Variants in HTR4 observed in about 807,000 individuals in gnomAD.
HTR4 encodes 5-hydroxytryptamine receptor 4.
Under a neutral mutation model 36.8 loss-of-function variants are expected in HTR4, and 16 were observed. The ratio of observed to expected loss-of-function variants is 0.43; its 90% CI spans 0.29 to 0.66. HTR4 has a LOEUF of 0.66. Among genes scored for constraint, HTR4 ranks in the 30% least tolerant of loss-of-function variants. The probability of loss-of-function intolerance (pLI) is 0.13; values close to 1 mark genes in which losing one functional copy is unlikely to be tolerated. For missense variants in HTR4, 438 were observed against 490.9 expected (o/e 0.89, Z 1.02); for synonymous variants, 189 against 185.1 (o/e 1.02, Z -0.17).
At chr5:148,605,543 C>A (rs1307923748) in intron 2 of HTR4, among the ~76,000 whole-genome samples, 1 of 151,934 alleles carries the variant, frequency 6.6e-6, no homozygotes, top group Non-Finnish European at 1.5e-5. Context: ...CAGGTGTCAG[C>A]CACCATGCCC....
chr5:148,502,185 G>A (rs1756964251), intron 6 of HTR4, among the ~76,000 whole-genome samples: 1 of 152,176 alleles, frequency 6.6e-6, no homozygotes, highest in South Asian at 2.1e-4. Context: ...ATCTGAGAAT[G>A]GACAGACTGC....
Position 148,509,570 on chromosome 5 carries a change from C to A in HTR4, c.962G>T (p.Arg321Leu), listed in dbSNP as rs199912477. Residue 321 changes from arginine to leucine, a missense_variant, in exon 6 of 7, where the codon CGT becomes CTT. Transcript: ENST00000377888. Reference protein sequence around the residue: ...LYAFLNKSFRRAFLIILCCDD... With the variant: ...LYAFLNKSFRLAFLIILCCDD... ...ACAGCAGAGGATGATGAGGAAGGCA[C>A]GTCTAAAAGACTTATTCAAGAAGGC... is the stretch of plus-strand genomic sequence containing the variant. The A allele has an allele frequency of 6.2e-7, 1 of 1,613,980 alleles. No homozygotes were observed. The highest frequency in any genetic ancestry group is 8.5e-7 in the Non-Finnish European group (1 of 1,179,960).
chr5:148,477,552 C>T (rs777260980), downstream of HTR4, among the ~76,000 whole-genome samples: 1 of 152,160 alleles, frequency 6.6e-6, no homozygotes, highest in Non-Finnish European at 1.5e-5. Flanking sequence ...ATTTCTGCAT[C>T]CTTGGAAAAA....
chr5:148,641,167 T>G (rs993780262), intron 1 of HTR4, among the ~76,000 whole-genome samples: 2 of 152,198 alleles, frequency 1.3e-5, no homozygotes, highest in Admixed American at 1.3e-4. Context: ...GCTTTTATCT[T>G]GAATACTTAT....
intron 2 of HTR4, among the ~76,000 whole-genome samples, chr5:148,611,145 G>A (rs1581542981): frequency 6.9e-6 from 1 of 145,322 alleles, no homozygotes; most frequent in East Asian, 2.1e-4. Flanking sequence ...TAGCAAGGCA[G>A]GCCAACGTTC....
At chr5:148,491,502 A>C (rs189965919) in intron 6 of HTR4, among the ~76,000 whole-genome samples, 1 of 152,228 alleles carries the variant, frequency 6.6e-6, no homozygotes, top group African/African-American at 2.4e-5. Context: ...TAACCTCGGC[A>C]CTATCTGGAA....
At chr5:148,492,066 G>A (rs1024884340) in intron 6 of HTR4, among the ~76,000 whole-genome samples, 14 of 152,186 alleles carry the variant, frequency 9.2e-5, no homozygotes, top group Admixed American at 2.0e-4. Context: ...AATAAACCAC[G>A]TTGGGCATTT....
chr5:148,529,081 A>T (rs1218148246), intron 4 of HTR4, among the ~76,000 whole-genome samples: 1 of 151,990 alleles, frequency 6.6e-6, no homozygotes, highest in African/African-American at 2.4e-5. Flanking sequence ...AAATTTGCCC[A>T]GTCTCACAGG....
At chr5:148,583,642 C>T (rs1761234819) in intron 2 of HTR4, among the ~76,000 whole-genome samples, 1 of 151,548 alleles carries the variant, frequency 6.6e-6, no homozygotes, top group South Asian at 2.1e-4. Flanking sequence ...TCATCATCAT[C>T]ATCATCATTA....
intron 6 of HTR4, chr5:148,490,830 T>C (rs149027091): frequency 1.6e-6 from 1 of 632,288 alleles, no homozygotes; most frequent in Non-Finnish European, 2.6e-6. Context: ...GTCGAATTCC[T>C]GTTTCCTCTA....
At chr5:148,644,207 G>A (rs1018477151) in intron 1 of HTR4, among the ~76,000 whole-genome samples, 5 of 152,076 alleles carry the variant, frequency 3.3e-5, no homozygotes, top group African/African-American at 4.8e-5. Context: ...CACATCCCCC[G>A]GGGAAAGAAT....
intron 5 of HTR4, among the ~76,000 whole-genome samples, chr5:148,463,369 A>G (rs1755336288): frequency 6.6e-6 from 1 of 150,648 alleles, no homozygotes; most frequent in Non-Finnish European, 1.5e-5. Context: ...TTTAGTAGAG[A>G]TGGGGTTTCA....
chr5:148,654,045 G>T lies in HTR4; in HGVS notation c.-48+17C>A. 1.0e-6 allele frequency: 1 copy of T among 985,112 alleles called. No individual in the cohort carries two copies. Among genetic ancestry groups the T allele is most frequent in the Non-Finnish European group, 1.2e-6 (1 of 829,804 alleles). 61.0% of individuals were successfully genotyped at this position (985,112 alleles called of 1,614,324 possible). ...GGCTCCTGGGGTCCCGACCCCCGGC[G>T]CACTTGCCGCACATACCCGCTGCCA... On this transcript the variant is annotated intron_variant, in intron 1 of 6. Coordinates refer to ENST00000377888, the MANE Select transcript of HTR4 (RefSeq NM_000870.7).
chr5:148,474,994 G>A (rs530988622), downstream of HTR4, among the ~76,000 whole-genome samples: 2 of 151,856 alleles, frequency 1.3e-5, no homozygotes, highest in East Asian at 1.9e-4. Context: ...GCAGTGAGCC[G>A]AGATGGCGCC....
downstream of HTR4, among the ~76,000 whole-genome samples, chr5:148,480,287 G>A (rs187944770): frequency 2.2e-4 from 34 of 152,264 alleles, no homozygotes; most frequent in Non-Finnish European, 3.8e-4. Context: ...TCATAAATTC[G>A]TGTGTTGGGC....
chr5:148,538,940 C>G (rs1163498640), intron 4 of HTR4, among the ~76,000 whole-genome samples: 4 of 152,034 alleles, frequency 2.6e-5, no homozygotes, highest in Non-Finnish European at 5.9e-5. Flanking sequence ...GCAAAAAGAA[C>G]AAAGCTGGAG....
intron 2 of HTR4, among the ~76,000 whole-genome samples, chr5:148,560,177 T>C (rs569848853): frequency 6.7e-6 from 1 of 149,346 alleles, no homozygotes; most frequent in East Asian, 2.0e-4. Context: ...TTCTTTTCTT[T>C]TTTCTTTTTT....
Position 148,548,964 on chromosome 5 carries a change from A to C in HTR4, c.153-96T>G. On this transcript the variant is annotated intron_variant, in intron 3 of 6. Transcript: ENST00000377888. ...CAAGAGAAAAAACAGGGAAAAGGGA[A>C]ACAAAGAAAGAAGAAAAGAAGGGAG... is the stretch of plus-strand genomic sequence containing the variant. 1.5e-5 allele frequency: 13 copies of C among 846,242 alleles called. 1 individual carries two copies. The Middle Eastern group carries it at 2.5e-3, about 162-fold the overall frequency. The allele number at this position is 846,242 out of a possible 1,614,324, so 52.4% of individuals were successfully genotyped here.
At chr5:148,634,619 C>T (rs1341674188) in intron 2 of HTR4, among the ~76,000 whole-genome samples, 2 of 152,124 alleles carry the variant, frequency 1.3e-5, no homozygotes, top group African/African-American at 4.8e-5. Flanking sequence ...AGAAAATTTT[C>T]CTGAAGGACT....
Sources: allele counts gnomAD v4.1 joint callset (sites outside exome capture counted in the v4.1 genomes callset), GRCh38; gene constraint gnomAD v4.1.1; transcripts MANE v1.5; gene names NCBI Gene and HGNC (gene_info 2026-07-23, HGNC 2026-07-21).